Variants in ITIH5 observed in about 807,000 individuals in gnomAD.
ITIH5 encodes inter-alpha-trypsin inhibitor heavy chain 5, also known as inter-alpha-trypsin inhibitor heavy chain H5.
ITIH5 carries 65 observed loss-of-function variants against 77.5 expected under a neutral mutation model. The observed-to-expected ratio is 0.84, with a 90% CI of 0.69 to 1.03. ITIH5 has a LOEUF of 1.03. ITIH5 is among the 50% of genes least tolerant of loss of function. ITIH5 has a pLI of 0.00. For synonymous variants in ITIH5, 525 were observed against 494.3 expected (o/e 1.06, Z -0.82); for missense variants, 1,208 against 1,213.1 (o/e 1.00, Z 0.06).
At position 7,576,695 on chromosome 10, in the gene ITIH5, T is replaced by C. The variant is rs773146549; in HGVS notation, c.1736A>G (p.Tyr579Cys). The change falls in exon 10 of 14, where the codon TAC becomes TGC. Residue 579 changes from tyrosine (Y) to cysteine (C), a missense_variant. Physicochemically the swap from Tyr to Cys is radical, Grantham distance 194. Coordinates refer to ENST00000397146, the MANE Select transcript of ITIH5 (RefSeq NM_030569.7). The part of the protein sequence containing the change: ...DTNHIERLWS[Y>C]LTTKELLSSW... Reference sequence around the variant, plus strand: ...GCTCAGCAGCTCCTTTGTGGTGAGGTAGCTCCAGAGACGCTCGATGTGGTT... The same window carrying C: ...GCTCAGCAGCTCCTTTGTGGTGAGGCAGCTCCAGAGACGCTCGATGTGGTT... The C allele has an allele frequency of 6.2e-7, 1 of 1,613,966 alleles. No individual in the cohort carries two copies. Among genetic ancestry groups the C allele is most frequent in the South Asian group, 1.1e-5 (1 of 91,086 alleles).
intron 7 of ITIH5, among the ~76,000 whole-genome samples, chr10:7,604,285 C>G (rs1833078150): frequency 1.3e-5 from 2 of 152,170 alleles, no homozygotes; most frequent in Non-Finnish European, 2.9e-5. Context: ...CCTCTGCCTA[C>G]TCTCCCCTAA....
intron 7 of ITIH5, among the ~76,000 whole-genome samples, chr10:7,599,974 C>G (rs897507688): frequency 2.0e-5 from 3 of 152,116 alleles, no homozygotes; most frequent in African/African-American, 7.2e-5. Flanking sequence ...GTGAACTTAA[C>G]TGTTGGGGAT....
chr10:7,642,171 A>G (rs1564276208), intron 2 of ITIH5, 81 bp from the exon 3 acceptor site: 1 of 1,083,850 alleles, frequency 9.2e-7, no homozygotes, highest in Non-Finnish European at 1.3e-6. Context: ...TTTTTTTTCC[A>G]CAAGGGAAAT....
intron 5 of ITIH5, among the ~76,000 whole-genome samples, chr10:7,634,472 C>A (rs149800829): frequency 6.6e-6 from 1 of 152,224 alleles, no homozygotes; most frequent in African/African-American, 2.4e-5. Context: ...ATGTTCTGGA[C>A]GGCAAAGTAT....
chr10:7,632,353 G>A (rs572310409), intron 5 of ITIH5, among the ~76,000 whole-genome samples: 17 of 152,244 alleles, frequency 1.1e-4, no homozygotes, highest in South Asian at 4.2e-4. Context: ...TGGTAGCAGC[G>A]TTCTAAAATT....
At position 7,566,261 on chromosome 10, in the gene ITIH5, C is replaced by T. The variant is rs1302776983; in HGVS notation, c.2296G>A (p.Asp766Asn). ...LEITPSRVIL[D>N]GGDRLVLPCN... The stretch of plus-strand genomic sequence containing the variant: ...GGGAGCACCAGTCTGTCCCCACCAT[C>T]CAAGATGACTCTGCTCGGTGTGATC... The change falls in exon 13 of 14, where the codon GAT (aspartate) becomes AAT (asparagine). Residue 766 changes from aspartate (D) to asparagine (N), a missense_variant. Asp to Asn is a conservative substitution (Grantham distance 23). Coordinates refer to ENST00000397146, the MANE Select transcript of ITIH5 (RefSeq NM_030569.7). The T allele has an allele frequency of 3.1e-6, 5 of 1,613,338 alleles. No individual in the cohort carries two copies. The highest frequency in any genetic ancestry group is 4.2e-6 in the Non-Finnish European group (5 of 1,179,734).
At position 7,617,111 on chromosome 10, in the gene ITIH5, A is replaced by G; in HGVS notation, c.822+2T>C. On this transcript the variant is annotated splice_donor_variant, in intron 6 of 13. Transcript: ENST00000397146. LOFTEE classifies it high-confidence loss of function. Reference sequence around the variant, plus strand: ...ATGAAATAGCAACGACGATCCTATTACCTGGATGTCCCCAATGCTCTGTTC... The same window carrying G: ...ATGAAATAGCAACGACGATCCTATTGCCTGGATGTCCCCAATGCTCTGTTC... 1 of 1,533,712 alleles carries G rather than the reference A, an allele frequency of 6.5e-7. No homozygotes were observed. The highest frequency in any genetic ancestry group is 8.7e-7 in the Non-Finnish European group (1 of 1,145,954).
At chr10:7,648,248 A>G (rs1344408804) in intron 2 of ITIH5, among the ~76,000 whole-genome samples, 1 of 148,712 alleles carries the variant, frequency 6.7e-6, no homozygotes, top group Non-Finnish European at 1.5e-5. Flanking sequence ...TGTCTCAAAA[A>G]AAAAAAAAAG....
intron 11 of ITIH5, chr10:7,572,540 T>G: frequency 1.7e-6 from 2 of 1,174,406 alleles, no homozygotes; most frequent in Non-Finnish European, 2.2e-6. Context: ...CTAAACTCAA[T>G]GAGGGTCAGA....
At chr10:7,618,601 G>A (rs139743127) in intron 5 of ITIH5, 1 of 152,208 alleles carries the variant, frequency 6.6e-6, no homozygotes, top group African/African-American at 2.4e-5. Flanking sequence ...ATAAGGGCAT[G>A]TGGAGGCTTT....
At chr10:7,594,188 C>T (rs1832850540) in intron 7 of ITIH5, among the ~76,000 whole-genome samples, 1 of 152,246 alleles carries the variant, frequency 6.6e-6, no homozygotes, top group Non-Finnish European at 1.5e-5. Context: ...AACATCACTT[C>T]AGGGACTGGA....
intron 8 of ITIH5, among the ~76,000 whole-genome samples, chr10:7,581,905 A>AT (rs1282961878): frequency 3.3e-5 from 4 of 122,856 alleles, no homozygotes; most frequent in Admixed American, 3.1e-4. Context: ...AGATATAGTC[A>AT]TGCTCTTTCG....
chr10:7,657,276 T>C (rs1393087861), intron 1 of ITIH5, among the ~76,000 whole-genome samples: 1 of 152,002 alleles, frequency 6.6e-6, no homozygotes, highest in Non-Finnish European at 1.5e-5. Context: ...CTGGATCTCC[T>C]GACCTCGTGA....
rs561724505 is a variant in ITIH5 at position 7,615,158 on chromosome 10, A to C, written c.939+824T>G. Among the ~76,000 whole-genome samples the C allele has an allele frequency of 5.3e-5, 8 of 152,286 alleles. No individual in the cohort carries two copies. The South Asian group carries it at 1.7e-3, about 32-fold the overall frequency. On this transcript the variant is annotated intron_variant, in intron 7 of 13. Transcript: ENST00000397146. ...GCTACTCAGGAGGCTGAGGCAGGAG[A>C]ATCTCTTGAACCCAGAAGGCAGAGG...
intron 1 of ITIH5, 75 bp downstream of exon 1, chr10:7,666,728 G>A (rs926903162): frequency 2.7e-4 from 343 of 1,252,970 alleles, no homozygotes; most frequent in Admixed American, 6.0e-5. Context: ...GGCCCGGGCA[G>A]AAGCTCCGCG....
rs950857142 is a variant in ITIH5, at chr10:7,561,322, G to A, written c.*1761C>T. The A allele has an allele frequency of 5.9e-5, 9 of 152,238 alleles. No individual in the cohort carries two copies. The highest frequency in any genetic ancestry group is 1.7e-4 in the African/African-American group (7 of 41,454). 9.4% of individuals were successfully genotyped at this position (152,238 alleles called of 1,614,324 possible). ...TCACTGCTCCAAGTGCTCCACAGGG[G>A]ACAGGGCCACCTGGCTCCAGGGCTG... On this transcript the variant is annotated 3_prime_UTR_variant, in exon 14 of 14. Transcript: ENST00000397146.
At chr10:7,644,427 TATATC>T (rs1564277301) in intron 2 of ITIH5, among the ~76,000 whole-genome samples, 2 of 145,368 alleles carry the variant, frequency 1.4e-5, no homozygotes, top group Admixed American at 1.4e-4. Flanking sequence ...ATATATCACA[TATATC>T]ATATATATCA....
chr10:7,614,832 G>A (rs1833331227), intron 7 of ITIH5, among the ~76,000 whole-genome samples: 1 of 152,188 alleles, frequency 6.6e-6, no homozygotes, highest in African/African-American at 2.4e-5. Flanking sequence ...TATCAGCTAG[G>A]AGTAGGTTCA....
chr10:7,632,366 A>G (rs1588415451), intron 5 of ITIH5, among the ~76,000 whole-genome samples: 2 of 152,090 alleles, frequency 1.3e-5, no homozygotes, highest in African/African-American at 4.8e-5. Context: ...CTAAAATTGG[A>G]CCCTGATGAT....
Sources: allele counts gnomAD v4.1 joint callset (sites outside exome capture counted in the v4.1 genomes callset), GRCh38; gene constraint gnomAD v4.1.1; transcripts MANE v1.5; gene names NCBI Gene and HGNC (gene_info 2026-07-23, HGNC 2026-07-21).